The following CDKAL1 variants were observed in gnomAD, a reference collection of about 807,000 sequenced individuals.
CDKAL1 encodes threonylcarbamoyladenosine tRNA methylthiotransferase.
CDKAL1 carries 32 observed loss-of-function variants against 68.2 expected under a neutral mutation model. The ratio of observed to expected loss-of-function variants is 0.47; its 90% CI spans 0.35 to 0.63. The LOEUF is 0.63. CDKAL1 is among the 30% of genes least tolerant of loss of function. CDKAL1 has a pLI of 0.00. For missense variants in CDKAL1, 606 were observed against 696.7 expected (o/e 0.87, Z 1.47); for synonymous variants, 234 against 244.3 (o/e 0.96, Z 0.39).
rs571137096 is a variant in CDKAL1, at chr6:21,201,690, A to G, written c.1548+416A>G. 2.6e-5 allele frequency among the ~76,000 whole-genome samples: 4 copies of G among 152,334 alleles called. No individual in the cohort carries two copies. In the East Asian group the frequency reaches 5.8e-4, roughly 22 times the overall value. ...TACAGCTGAACAGGCACTAAACCAT[A>G]TCATATATGCAGTTATGGTGCCTTT... On this transcript the variant is annotated intron_variant, in intron 15 of 15. Coordinates refer to ENST00000274695, the MANE Select transcript of CDKAL1 (RefSeq NM_017774.3).
chr6:20,640,239 C>G lies in CDKAL1; in HGVS notation c.287-9054C>G, dbSNP rs192207796. Among the ~76,000 whole-genome samples the G allele has an allele frequency of 2.5e-4, 38 of 152,278 alleles. 1 individual carries two copies. The highest frequency in any genetic ancestry group is 2.5e-3 in the Admixed American group (38 of 15,284). On this transcript the variant is annotated intron_variant, in intron 4 of 15. Transcript: ENST00000274695. ...GTTTTCTCTCTTTGTTTTGTTCTTA[C>G]TGAATTTTTATTTGTATCAACCTCC...
chr6:20,896,990 G>A (rs1299040078), intron 9 of CDKAL1, among the ~76,000 whole-genome samples: 3 of 152,104 alleles, frequency 2.0e-5, no homozygotes, highest in Non-Finnish European at 4.4e-5. Flanking sequence ...AAATGCCTTC[G>A]AATGAGTATA....
chr6:20,663,513 T>G (rs570657242), intron 5 of CDKAL1, among the ~76,000 whole-genome samples: 2 of 152,234 alleles, frequency 1.3e-5, no homozygotes, highest in Admixed American at 1.3e-4. Flanking sequence ...GTAAGAACTT[T>G]TCCTCTTTTT....
intron 13 of CDKAL1, among the ~76,000 whole-genome samples, chr6:21,187,426 G>A (rs1294163150): frequency 1.3e-5 from 2 of 152,174 alleles, no homozygotes; most frequent in African/African-American, 4.8e-5. Context: ...TCATTTAGAA[G>A]TTGGGTAGGC....
intron 4 of CDKAL1, among the ~76,000 whole-genome samples, chr6:20,557,095 A>G (rs1764086348): frequency 1.3e-5 from 2 of 151,158 alleles, no homozygotes; most frequent in Admixed American, 6.6e-5. Flanking sequence ...ATGAAAAATA[A>G]ATAAATACAT....
At chr6:20,756,647 CTT>C (rs1014243721) in intron 6 of CDKAL1, 3 of 152,350 alleles carry the variant, frequency 2.0e-5, no homozygotes, top group Non-Finnish European at 4.4e-5. Context: ...CTGAGATTTA[CTT>C]ACCTTTGGCA....
chr6:20,681,875 G>A (rs749939670), intron 5 of CDKAL1, among the ~76,000 whole-genome samples: 28 of 152,296 alleles, frequency 1.8e-4, no homozygotes, highest in Non-Finnish European at 2.8e-4. Context: ...GGTTATAAAC[G>A]ACAGAAATTT....
At chr6:21,109,616 A>T (rs1774022737) in intron 13 of CDKAL1, among the ~76,000 whole-genome samples, 2 of 152,374 alleles carry the variant, frequency 1.3e-5, no homozygotes, top group South Asian at 4.1e-4. Flanking sequence ...AATCAGTCAC[A>T]TTGCAGAATG....
At chr6:20,605,364 G>A (rs184775594) in intron 4 of CDKAL1, among the ~76,000 whole-genome samples, 7 of 152,046 alleles carry the variant, frequency 4.6e-5, no homozygotes, top group African/African-American at 1.7e-4. Flanking sequence ...TAATATCCTC[G>A]AGTTCTATGC....
At chr6:20,957,830 G>C (rs927586603) in intron 10 of CDKAL1, among the ~76,000 whole-genome samples, 5 of 152,058 alleles carry the variant, frequency 3.3e-5, no homozygotes, top group African/African-American at 9.7e-5. Flanking sequence ...AATTAGCTGG[G>C]TGGAGTGATA....
chr6:20,884,616 A>G (rs779535861), intron 9 of CDKAL1, among the ~76,000 whole-genome samples: 2 of 152,256 alleles, frequency 1.3e-5, no homozygotes. Flanking sequence ...CAAAGAATCT[A>G]CAAGAAAACT....
At position 20,748,757 on chromosome 6, in the gene CDKAL1, A is replaced by G. The variant is rs2473646; in HGVS notation, c.468+9142A>G. On this transcript the variant is annotated intron_variant, in intron 6 of 15. Transcript: ENST00000274695. ...CAAGAAGACACACTGGGGAAAGGAT[A>G]GTCTCTTTATGGTGTTGGGAATGAA... 3.3e-5 allele frequency among the ~76,000 whole-genome samples: 5 copies of G among 151,550 alleles called. No homozygotes were observed. The East Asian group carries it at 9.7e-4, about 29-fold the overall frequency.
intron 11 of CDKAL1, among the ~76,000 whole-genome samples, chr6:21,016,197 G>A (rs1190802703): frequency 6.6e-6 from 1 of 151,742 alleles, no homozygotes; most frequent in Non-Finnish European, 1.5e-5. Context: ...CAACAATTCT[G>A]TGAAACAGAA....
chr6:20,798,847 G>A (rs962324908), intron 8 of CDKAL1, among the ~76,000 whole-genome samples: 5 of 149,162 alleles, frequency 3.4e-5, no homozygotes, highest in African/African-American at 1.2e-4. Flanking sequence ...CACCAACATG[G>A]CACATGTATA....
chr6:20,843,116 C>T (rs1412131589), intron 8 of CDKAL1, among the ~76,000 whole-genome samples: 1 of 152,036 alleles, frequency 6.6e-6, no homozygotes, highest in Non-Finnish European at 1.5e-5. Flanking sequence ...CTGTCAGCAA[C>T]ACATCTGTCC....
chr6:21,089,640 G>C (rs1287007050), intron 12 of CDKAL1, among the ~76,000 whole-genome samples: 2 of 152,142 alleles, frequency 1.3e-5, no homozygotes, highest in Non-Finnish European at 2.9e-5. Flanking sequence ...TAGGAAAGAG[G>C]AGTTGAGGCT....
chr6:20,818,523 C>CTA (rs1249870171), intron 8 of CDKAL1, among the ~76,000 whole-genome samples: 7 of 151,816 alleles, frequency 4.6e-5, no homozygotes, highest in South Asian at 2.1e-4. Flanking sequence ...AAATATAGTT[C>CTA]TATATTATGA....
intron 8 of CDKAL1, among the ~76,000 whole-genome samples, chr6:20,797,995 T>G (rs1776186371): frequency 6.6e-6 from 1 of 151,772 alleles, no homozygotes; most frequent in African/African-American, 2.4e-5. Flanking sequence ...TTTGTATTTT[T>G]TGTAGAGATG....
In CDKAL1 at chr6:20,623,074, A is replaced by G. The variant is rs113040046; in HGVS notation, c.287-26219A>G. Among the ~76,000 whole-genome samples, 3 of 152,106 alleles carry G rather than the reference A, an allele frequency of 2.0e-5. No individual in the cohort carries two copies. The East Asian group carries it at 5.8e-4, about 29-fold the overall frequency. ...TTTTTGGGGAAGAAAAATGTACATT[A>G]AAAGTCTTCTGTTAGTAAGATAATG... On this transcript the variant is annotated intron_variant, in intron 4 of 15. Transcript: ENST00000274695.
Sources: gnomAD v4.1 joint callset for allele counts (sites outside exome capture counted in the v4.1 genomes callset) on GRCh38, gnomAD v4.1.1 for gene constraint, MANE v1.5 for transcripts, NCBI Gene and HGNC (gene_info 2026-07-23, HGNC 2026-07-21) for gene names.